The following DRICH1 variants were observed in gnomAD, a reference collection of about 807,000 sequenced individuals.
The protein encoded by DRICH1 is aspartate rich 1, also known as aspartate-rich protein 1.
DRICH1 carries 38 observed loss-of-function variants against 39.5 expected under a neutral mutation model. The observed-to-expected ratio is 0.96, with a 90% CI of 0.74 to 1.26. The LOEUF (loss-of-function observed/expected upper bound fraction) is 1.26, where lower values mean the gene tolerates loss of function less well. DRICH1 is among the 50% of genes most tolerant of loss of function. The pLI is 0.00. For synonymous variants in DRICH1, 84 were observed against 99.5 expected, an observed-to-expected ratio of 0.84 and a Z score of 0.93; for missense variants, 279 against 270.4, an observed-to-expected ratio of 1.03 and a Z score of -0.22.
the DRICH1 span, among the ~76,000 whole-genome samples, chr22:23,593,980 A>AAAACAAAAAAAG: frequency 2.2e-5 from 3 of 137,210 alleles, no homozygotes; most frequent in African/African-American, 8.1e-5. Flanking sequence ...TCTGTCTCAA[A>AAAACAAAAAAAG]AAAAAAAAAA....
the DRICH1 span, chr22:23,581,409 G>A: frequency 6.6e-5 from 10 of 152,278 alleles, no homozygotes; most frequent in Non-Finnish European, 1.3e-4. Flanking sequence ...CTCTTTTGCT[G>A]GTGCTGCCAG....
the DRICH1 span, among the ~76,000 whole-genome samples, chr22:23,590,481 T>C: frequency 7.2e-5 from 11 of 152,198 alleles, no homozygotes; most frequent in Admixed American, 1.3e-4. Flanking sequence ...TTTTGCCTTG[T>C]TGCCCAGGCT....
downstream of DRICH1, among the ~76,000 whole-genome samples, chr22:23,607,482 C>T (rs1377940802): frequency 1.3e-5 from 2 of 151,938 alleles, no homozygotes; most frequent in Non-Finnish European, 2.9e-5. Context: ...ATGGGCCAGT[C>T]ACCGACCCCC....
At chr22:23,623,703 G>T (rs1025615350) in intron 3 of DRICH1, among the ~76,000 whole-genome samples, 18 of 152,176 alleles carry the variant, frequency 1.2e-4, no homozygotes, top group Non-Finnish European at 2.1e-4. Context: ...GGTAATGTTG[G>T]AAAAGAATAG....
rs528343592 is a variant in DRICH1, at chr22:23,623,447, T to C, written c.299-1271A>G. On this transcript the variant is annotated intron_variant, in intron 3 of 11. Coordinates refer to ENST00000317749, the MANE Select transcript of DRICH1 (RefSeq NM_016449.4). ...GAAAAAAATAGAAATCACAAATTTA[T>C]ATCAGTCTTGTTAAATCTAACTAAT... Among the ~76,000 whole-genome samples the C allele has an allele frequency of 2.6e-5, 4 of 152,250 alleles. No individual in the cohort carries two copies. In the South Asian group the frequency reaches 8.3e-4, roughly 32 times the overall value.
downstream of DRICH1, chr22:23,608,436 C>T: frequency 4.9e-6 from 2 of 406,298 alleles, no homozygotes; most frequent in East Asian, 7.6e-5. Context: ...CCTGATCAGC[C>T]ACCTCTGCAC....
chr22:23,621,975 T>G, intron 4 of DRICH1, 116 bp downstream of exon 4: 2 of 887,274 alleles, frequency 2.3e-6, no homozygotes. Flanking sequence ...GGAAAGAAAA[T>G]CTCACTTTTG....
chr22:23,582,567 A>ATTAT, the DRICH1 span, among the ~76,000 whole-genome samples: 23 of 143,346 alleles, frequency 1.6e-4, no homozygotes, highest in East Asian at 2.8e-3. Context: ...TATTATTATT[A>ATTAT]TTATTATTAT....
Position 23,624,899 on chromosome 22 carries a change from T to C in DRICH1, c.282A>G (p.Leu94=). The C allele has an allele frequency of 6.2e-7, 1 of 1,613,666 alleles. No individual in the cohort carries two copies. Among genetic ancestry groups the C allele is most frequent in the South Asian group, 1.1e-5 (1 of 91,074 alleles). ...GGTACGTACCCTGGACAGGTGATGG[T>C]AAAATCTGCAATGAGACAAAAGAAG... ...SEEDNDDAKI[L]PSPVQGSSED... The change falls in exon 3 of 12, where the codon TTA becomes TTG. Residue 94 remains leucine, a synonymous_variant. Transcript: ENST00000317749.
intron 1 of DRICH1, among the ~76,000 whole-genome samples, chr22:23,629,519 A>T (rs1928267708): frequency 6.6e-6 from 1 of 152,190 alleles, no homozygotes; most frequent in Non-Finnish European, 1.5e-5. Context: ...GTCTCCAATG[A>T]GGGTGATCGG....
At chr22:23,620,723 G>C in intron 4 of DRICH1, 108 bp from the exon 5 acceptor site, 1 of 1,323,210 alleles carries the variant, frequency 7.6e-7, no homozygotes. Context: ...TTGTGAAACT[G>C]TTGTTGAGTC....
chr22:23,594,014 G>C, the DRICH1 span, among the ~76,000 whole-genome samples: 2 of 145,234 alleles, frequency 1.4e-5, no homozygotes, highest in South Asian at 4.5e-4. Context: ...AAAGGTGAAG[G>C]CATCCTAAGG....
the DRICH1 span, among the ~76,000 whole-genome samples, chr22:23,594,755 G>A: frequency 6.6e-6 from 1 of 152,002 alleles, no homozygotes; most frequent in African/African-American, 2.4e-5. Context: ...ATCTATTCCT[G>A]TTAAAGCAGA....
intron 1 of DRICH1, among the ~76,000 whole-genome samples, chr22:23,627,772 T>C (rs1928155653): frequency 6.6e-6 from 1 of 152,178 alleles, no homozygotes; most frequent in Non-Finnish European, 1.5e-5. Context: ...CCAGGGACCC[T>C]GACTCAGAAA....
chr22:23,626,832 G>A (rs1928090535), intron 1 of DRICH1, among the ~76,000 whole-genome samples: 1 of 1,808 alleles, frequency 5.5e-4, no homozygotes, highest in South Asian at 0.025. Context: ...AGGAACTGAA[G>A]GAACCACTTT....
At chr22:23,588,436 T>C in the DRICH1 span, among the ~76,000 whole-genome samples, 16 of 152,324 alleles carry the variant, frequency 1.1e-4, no homozygotes, top group African/African-American at 3.6e-4. Flanking sequence ...CGAGCTCTGA[T>C]TTTCTATAAC....
chr22:23,626,967 C>T (rs1463222460), intron 1 of DRICH1, among the ~76,000 whole-genome samples: 1 of 152,084 alleles, frequency 6.6e-6, no homozygotes, highest in East Asian at 1.9e-4. Flanking sequence ...GCCAGGCTCA[C>T]AGCAGATGTG....
the DRICH1 span, among the ~76,000 whole-genome samples, chr22:23,596,537 G>A: frequency 6.6e-6 from 1 of 152,104 alleles, no homozygotes; most frequent in Non-Finnish European, 1.5e-5. Context: ...TCTTCTGAGC[G>A]CTGGTCTCAC....
downstream of DRICH1, among the ~76,000 whole-genome samples, chr22:23,607,607 G>GGTGA (rs528868895): frequency 2.7e-4 from 41 of 152,204 alleles, no homozygotes; most frequent in South Asian, 8.3e-3. Flanking sequence ...TAGAGGCCCG[G>GGTGA]GTATTTCTCC....
Sources: gnomAD v4.1 joint callset for allele counts (sites outside exome capture counted in the v4.1 genomes callset) on GRCh38, gnomAD v4.1.1 for gene constraint, MANE v1.5 for transcripts, NCBI Gene and HGNC (gene_info 2026-07-23, HGNC 2026-07-21) for gene names.